The following LARP1 variants were observed in gnomAD, a reference collection of about 807,000 sequenced individuals.
LARP1 encodes the protein La ribonucleoprotein 1, translational regulator.
In LARP1, 36 loss-of-function variants were observed where a neutral mutation model predicts 122.7. The ratio of observed to expected loss-of-function variants is 0.29; its 90% confidence interval spans 0.22 to 0.39. The LOEUF (loss-of-function observed/expected upper bound fraction) is 0.39, where lower values mean the gene tolerates loss of function less well. LARP1 is among the 10% of genes least tolerant of loss of function. The pLI is 1.00. For synonymous variants in LARP1, 539 were observed against 528.7 expected (o/e 1.02, Z -0.27); for missense variants, 1,040 against 1,403.6 (o/e 0.74, Z 4.14).
At chr5:154,812,888 C>T (rs192048520) in intron 18 of LARP1, among the ~76,000 whole-genome samples, 8 of 152,264 alleles carry the variant, frequency 5.3e-5, no homozygotes, top group Non-Finnish European at 1.2e-4. Context: ...ATGGGGGAAA[C>T]TGCCCCCATG....
chr5:154,727,515 TG>T (rs935693164), intron 1 of LARP1, among the ~76,000 whole-genome samples: 32 of 151,892 alleles, frequency 2.1e-4, no homozygotes, highest in Non-Finnish European at 4.6e-4. Context: ...AGAATTGGGG[TG>T]GTATTGGTCA....
rs1339298272 is a variant in LARP1, at chr5:154,735,358, A to G, written c.205+22228A>G. On this transcript the variant is annotated intron_variant, in intron 1 of 18. Transcript: ENST00000336314. ...TCCCAGCTACTCGGGAGACTAAGGC[A>G]GTAGAACTGCTTGAACCTGGGAGGC... Among the ~76,000 whole-genome samples the G allele has an allele frequency of 2.0e-5, 3 of 151,708 alleles. No individual in the cohort carries two copies. The East Asian group carries it at 5.9e-4, about 30-fold the overall frequency.
intron 1 of LARP1, among the ~76,000 whole-genome samples, chr5:154,693,035 G>A (rs190545667): frequency 1.1e-4 from 16 of 139,704 alleles, no homozygotes; most frequent in Admixed American, 3.0e-4. Flanking sequence ...ATGTTGCCCC[G>A]GCTGTTCTCG....
At chr5:154,705,865 A>C (rs1754922605) in intron 1 of LARP1, 1 of 152,230 alleles carries the variant, frequency 6.6e-6, no homozygotes, top group Non-Finnish European at 1.5e-5. Context: ...CTTAAAACAG[A>C]ACTATATATC....
intron 14 of LARP1, 88 bp from the exon 15 acceptor site, chr5:154,805,793 G>A: frequency 7.1e-7 from 1 of 1,407,272 alleles, no homozygotes; most frequent in Admixed American, 2.1e-5. Flanking sequence ...ATGGATCTTG[G>A]CTGACAGAAC....
At chr5:154,766,776 C>T (rs1754991191) in intron 1 of LARP1, among the ~76,000 whole-genome samples, 1 of 152,208 alleles carries the variant, frequency 6.6e-6, no homozygotes, top group Admixed American at 6.5e-5. Context: ...TAGGCTGCTA[C>T]CCTGAGTTCT....
In LARP1 at chr5:154,693,549, T is replaced by C. The variant is rs117333777; in HGVS notation, c.-180+10512T>C. 1.4e-3 allele frequency among the ~76,000 whole-genome samples: 210 copies of C among 152,204 alleles called. 2 individuals carry two copies. The East Asian group carries it at 0.033, about 24-fold the overall frequency. On this transcript the variant is annotated intron_variant, in intron 1 of 18. Coordinates refer to the LARP1 transcript ENST00000687700. ...ATTTATTAATTTAAAAGGACTTGAA[T>C]TGCCCAGATGAAAGTTCTTTTCTCG...
At chr5:154,702,978 G>A (rs551672418) in intron 1 of LARP1, among the ~76,000 whole-genome samples, 32 of 152,038 alleles carry the variant, frequency 2.1e-4, no homozygotes, top group Admixed American at 1.1e-3. Flanking sequence ...AAAATTAGCC[G>A]GGCGTGGTGG....
rs759458944 is a variant in LARP1 at position 154,790,415 on chromosome 5, G to T, written c.498+29G>T. 5 of 1,601,292 alleles carry T rather than the reference G, an allele frequency of 3.1e-6. No individual in the cohort carries two copies. In the Admixed American group the frequency reaches 8.4e-5, roughly 27 times the overall value. On this transcript the variant is annotated intron_variant, in intron 2 of 18. Coordinates refer to ENST00000518297, the MANE Select transcript of LARP1 (RefSeq NM_033551.3). ...AAGAATAACAGTGGGCAACCCAAGG[G>T]GACTTTCTGGAGTTGGTGGCCTCTT...
intron 1 of LARP1, among the ~76,000 whole-genome samples, chr5:154,778,016 C>G (rs924545521): frequency 4.6e-5 from 7 of 152,122 alleles, no homozygotes; most frequent in African/African-American, 1.7e-4. Flanking sequence ...AATCCCAGCA[C>G]TTTGGGAGGC....
At chr5:154,773,334 T>G (rs184020365) in intron 1 of LARP1, among the ~76,000 whole-genome samples, 8 of 152,284 alleles carry the variant, frequency 5.3e-5, no homozygotes, top group Admixed American at 5.2e-4. Flanking sequence ...AATCTTTTTG[T>G]AACCCTCAAA....
chr5:154,693,563 G>GTTC (rs1754321818), intron 1 of LARP1, among the ~76,000 whole-genome samples: 1 of 152,086 alleles, frequency 6.6e-6, no homozygotes, highest in Non-Finnish European at 1.5e-5. Flanking sequence ...CCAGATGAAA[G>GTTC]TTCTTTTCTC....
intron 1 of LARP1, among the ~76,000 whole-genome samples, chr5:154,761,339 C>T (rs1030673542): frequency 9.2e-5 from 14 of 152,090 alleles, no homozygotes; most frequent in African/African-American, 3.1e-4. Context: ...GAACTCTGAA[C>T]CTCCTGAGGG....
At chr5:154,799,080 T>C (rs1758127213) in intron 8 of LARP1, among the ~76,000 whole-genome samples, 1 of 152,210 alleles carries the variant, frequency 6.6e-6, no homozygotes, top group South Asian at 2.1e-4. Flanking sequence ...GCCAGGATGG[T>C]CTCAATCTCT....
intron 1 of LARP1, among the ~76,000 whole-genome samples, chr5:154,691,742 A>ATC (rs1754223262): frequency 6.6e-6 from 1 of 151,022 alleles, no homozygotes; most frequent in Admixed American, 6.6e-5. Context: ...CCCTCGGTTC[A>ATC]TCCCCCATAG....
chr5:154,767,706 A>C (rs1755069442), intron 1 of LARP1, among the ~76,000 whole-genome samples: 1 of 152,170 alleles, frequency 6.6e-6, no homozygotes, highest in Admixed American at 6.6e-5. Flanking sequence ...GAAGAAGCAG[A>C]GCTCTCTCTG....
At position 154,802,169 on chromosome 5, in the gene LARP1, T is replaced by C. The variant is rs916809978; in HGVS notation, c.1879T>C (p.Ser627Pro). The part of the protein sequence containing the change: ...DGRKNTFTAW[S>P]DEESDYEIDD... ...GCGGAAGAACACCTTCACTGCCTGG[T>C]CTGATGAGGAATCTGACTATGAGAT... The change falls in exon 11 of 19, where the codon TCT becomes CCT. Residue 627 changes from serine to proline, a missense_variant. By Grantham distance (74) the Ser-to-Pro change is moderately conservative. Around this residue, in one of 8 missense-constraint regions of LARP1, gnomAD observed 362 missense variants for 533.1 expected, o/e 0.68. Transcript: ENST00000518297. The surrounding 1 kb of genome is among the most constrained non-coding windows in gnomAD (Gnocchi z 5.1). The C allele has an allele frequency of 6.8e-6, 11 of 1,614,128 alleles. No individual in the cohort carries two copies. Among genetic ancestry groups the C allele is most frequent in the Non-Finnish European group, 8.5e-6 (10 of 1,180,030 alleles).
chr5:154,798,088 G>GAT (rs528739683), intron 8 of LARP1, among the ~76,000 whole-genome samples: 238 of 152,208 alleles, frequency 1.6e-3, no homozygotes, highest in Non-Finnish European at 2.5e-3. Context: ...CATTTAAATT[G>GAT]ATATATATAT....
intron 1 of LARP1, among the ~76,000 whole-genome samples, chr5:154,780,719 C>T (rs1310502564): frequency 6.6e-6 from 1 of 152,162 alleles, no homozygotes; most frequent in Non-Finnish European, 1.5e-5. Context: ...TTTGGGGATT[C>T]AGAAGCCTCT....
Sources: allele counts gnomAD v4.1 joint callset (sites outside exome capture counted in the v4.1 genomes callset), GRCh38; gene constraint gnomAD v4.1.1; regional missense constraint gnomAD v4.1.1; non-coding constraint Gnocchi (gnomAD v3.1); transcripts MANE v1.5; gene names NCBI Gene and HGNC (gene_info 2026-07-23, HGNC 2026-07-21).